The following TPO variants were observed in gnomAD, a reference collection of about 807,000 sequenced individuals.
TPO encodes the protein thyroid microsomal antigen.
A neutral mutation model predicts 96.9 loss-of-function variants in TPO; 78 were observed. That is an observed-to-expected ratio of 0.81 (90% CI 0.67 to 0.97). TPO has a LOEUF of 0.97. Ranked by LOEUF, TPO falls within the 50% of genes least tolerant of loss-of-function variation. The pLI, the probability that TPO is intolerant of heterozygous loss-of-function variation, is 0.00. For synonymous variants in TPO, 547 were observed against 538.0 expected, an observed-to-expected ratio of 1.02 and a Z score of -0.23; for missense variants, 1,252 against 1,274.8, an observed-to-expected ratio of 0.98 and a Z score of 0.27.
At chr2:1,455,462 C>A (rs1420194321) in intron 6 of TPO, among the ~76,000 whole-genome samples, 1 of 152,212 alleles carries the variant, frequency 6.6e-6, no homozygotes, top group Non-Finnish European at 1.5e-5. Context: ...TCAGGTAGGG[C>A]AGGCTCAGGG....
At chr2:1,381,896 T>G (rs1661815848) in intron 1 of TPO, among the ~76,000 whole-genome samples, 1 of 152,096 alleles carries the variant, frequency 6.6e-6, no homozygotes, top group South Asian at 2.1e-4. Context: ...ATAACAATTG[T>G]CTCTACCTCA....
rs771469941 is a variant in TPO at position 1,423,117 on chromosome 2, C to G, written c.167C>G (p.Ala56Gly). Residue 56 changes from alanine (A) to glycine (G), a missense_variant, in exon 3 of 17, where the codon GCC becomes GGC. Coordinates refer to ENST00000329066, the MANE Select transcript of TPO (RefSeq NM_001206744.2). The part of the protein sequence containing the change: ...SKRLVDTAMY[A>G]TMQRNLKKRG... ...CGCCTGGTGGACACCGCCATGTACG[C>G]CACGATGCAGAGGTGAGCCTTGCGG... is the stretch of plus-strand genomic sequence containing the variant. 1 of 1,613,950 alleles carries G rather than the reference C, an allele frequency of 6.2e-7. No homozygotes were observed. The highest frequency in any genetic ancestry group is 1.3e-5 in the African/African-American group (1 of 75,064).
intron 1 of TPO, among the ~76,000 whole-genome samples, chr2:1,403,260 G>A (rs1662198267): frequency 6.6e-6 from 1 of 152,178 alleles, no homozygotes; most frequent in Non-Finnish European, 1.5e-5. Flanking sequence ...CAATGTGAGA[G>A]CCAGCGGGGG....
chr2:1,393,480 TG>T (rs1662034932), intron 1 of TPO, among the ~76,000 whole-genome samples: 1 of 152,122 alleles, frequency 6.6e-6, no homozygotes, highest in Non-Finnish European at 1.5e-5. Context: ...AGGTGGGTGT[TG>T]GGGGAGGGCC....
chr2:1,435,767 G>A (rs539656610), intron 4 of TPO, among the ~76,000 whole-genome samples: 1 of 152,252 alleles, frequency 6.6e-6, no homozygotes, highest in African/African-American at 2.4e-5. Flanking sequence ...AAAACGAAAG[G>A]TTTTATAGAT....
intron 5 of TPO, among the ~76,000 whole-genome samples, chr2:1,439,902 T>C: frequency 6.6e-6 from 1 of 152,186 alleles, no homozygotes; most frequent in Non-Finnish European, 1.5e-5. Context: ...TGTGTGTCTC[T>C]GCCTCCCCGA....
At chr2:1,478,620 AC>A (rs1407019735) in intron 8 of TPO, among the ~76,000 whole-genome samples, 1 of 152,228 alleles carries the variant, frequency 6.6e-6, no homozygotes, top group Non-Finnish European at 1.5e-5. Flanking sequence ...TGGCGAGGGG[AC>A]CTGGAGCTTC....
At chr2:1,520,522 A>G (rs1319162561) in intron 15 of TPO, among the ~76,000 whole-genome samples, 1 of 152,144 alleles carries the variant, frequency 6.6e-6, no homozygotes, top group East Asian at 1.9e-4. Flanking sequence ...CTCGTTTTCT[A>G]CCCACCCTGC....
At chr2:1,496,560 G>A in intron 12 of TPO, 35 bp from the exon 13 acceptor site, 5 of 1,612,870 alleles carry the variant, frequency 3.1e-6, no homozygotes, top group Non-Finnish European at 4.2e-6. Flanking sequence ...TTTTCTCGTA[G>A]TTTGACTACA....
At chr2:1,424,313 TG>T (rs148598364) in intron 3 of TPO, among the ~76,000 whole-genome samples, 122,561 of 151,520 alleles carry the variant, frequency 0.81, 49,646 homozygotes, top group South Asian at 0.9. Context: ...CAAGGTTTTA[TG>T]AGCTTCACAG....
At chr2:1,522,502 C>T (rs1675423475) in intron 15 of TPO, among the ~76,000 whole-genome samples, 1 of 151,242 alleles carries the variant, frequency 6.6e-6, no homozygotes, top group Non-Finnish European at 1.5e-5. Context: ...CCACCGTGCC[C>T]TCACAGTCTC....
At chr2:1,383,131 G>A (rs1661835697) in intron 1 of TPO, among the ~76,000 whole-genome samples, 1 of 152,054 alleles carries the variant, frequency 6.6e-6, no homozygotes, top group Non-Finnish European at 1.5e-5. Context: ...ATCATTGTTG[G>A]ACATTAGGGT....
intron 7 of TPO, among the ~76,000 whole-genome samples, chr2:1,468,527 A>G (rs911647617): frequency 6.6e-6 from 1 of 152,202 alleles, no homozygotes; most frequent in Non-Finnish European, 1.5e-5. Context: ...GAGGCTGAAG[A>G]TGGGTCCCAA....
chr2:1,453,656 C>T lies in TPO; in HGVS notation c.483-38C>T, dbSNP rs201858223. 2,096 of 1,613,562 alleles carry T rather than the reference C, an allele frequency of 1.3e-3. 6 individuals carry two copies. Among genetic ancestry groups the T allele is most frequent in the Non-Finnish European group, 1.4e-3 (1,676 of 1,180,000 alleles). On this transcript the variant is annotated intron_variant, in intron 5 of 16. Coordinates refer to ENST00000329066, the MANE Select transcript of TPO (RefSeq NM_001206744.2). Reference sequence around the variant, plus strand: ...GAACTCACTGCTTCTGTGTTCTTCTCCCCCATCTCAAACACATCCTTGCAT... The same window carrying T: ...GAACTCACTGCTTCTGTGTTCTTCTTCCCCATCTCAAACACATCCTTGCAT...
chr2:1,479,470 CTTT>C (rs1670330836), intron 8 of TPO, among the ~76,000 whole-genome samples: 1 of 152,194 alleles, frequency 6.6e-6, no homozygotes, highest in Non-Finnish European at 1.5e-5. Context: ...TTTGAACCTT[CTTT>C]GAGTGAGAAC....
chr2:1,414,572 C>A, intron 2 of TPO, 70 bp downstream of exon 2: 2 of 1,434,036 alleles, frequency 1.4e-6, no homozygotes, highest in Non-Finnish European at 9.7e-7. Context: ...AAATAGAGGG[C>A]ATAATGGTAG....
At chr2:1,475,704 A>G (rs542894217) in intron 7 of TPO, among the ~76,000 whole-genome samples, 1 of 152,116 alleles carries the variant, frequency 6.6e-6, no homozygotes, top group African/African-American at 2.4e-5. Flanking sequence ...CGCCCACCTC[A>G]GCCTCCCAAA....
intron 15 of TPO, among the ~76,000 whole-genome samples, chr2:1,519,140 T>G (rs964477120): frequency 6.6e-6 from 1 of 152,180 alleles, no homozygotes; most frequent in Non-Finnish European, 1.5e-5. Flanking sequence ...GCAGGCACCT[T>G]GATGTGGACT....
chr2:1,509,318 A>G (rs981918181), intron 14 of TPO, among the ~76,000 whole-genome samples: 1 of 151,512 alleles, frequency 6.6e-6, no homozygotes, highest in Non-Finnish European at 1.5e-5. Flanking sequence ...TGTCAGGCAC[A>G]CCCGCCCTCT....
Sources: allele counts gnomAD v4.1 joint callset (sites outside exome capture counted in the v4.1 genomes callset), GRCh38; gene constraint gnomAD v4.1.1; transcripts MANE v1.5; gene names NCBI Gene and HGNC (gene_info 2026-07-23, HGNC 2026-07-21).